RMDN2: variants seen among roughly 807,000 people sequenced by gnomAD.
RMDN2 encodes regulator of microtubule dynamics protein 2.
Under a neutral mutation model 52.8 loss-of-function variants are expected in RMDN2, and 61 were observed. The observed-to-expected ratio is 1.16, with a 90% CI of 0.94 to 1.43. RMDN2 has a LOEUF of 1.43. Among genes scored for constraint, RMDN2 ranks in the 40% most tolerant of loss-of-function variants. RMDN2 has a pLI of 0.00. For synonymous variants in RMDN2, 180 were observed against 153.1 expected (o/e 1.18, Z -1.30); for missense variants, 592 against 475.3 (o/e 1.25, Z -2.28).
At chr2:38,044,630 C>T (rs955999192) in intron 10 of RMDN2, among the ~76,000 whole-genome samples, 3 of 151,444 alleles carry the variant, frequency 2.0e-5, no homozygotes, top group Non-Finnish European at 2.9e-5. Context: ...TTTCTGTTGA[C>T]ATGTCTTCAA....
At chr2:37,947,635 T>C (rs949117965) in intron 2 of RMDN2, among the ~76,000 whole-genome samples, 3 of 152,192 alleles carry the variant, frequency 2.0e-5, no homozygotes, top group Non-Finnish European at 1.5e-5. Flanking sequence ...GCACATTTGA[T>C]AAACTATAAA....
intron 7 of RMDN2, among the ~76,000 whole-genome samples, chr2:37,996,457 C>G (rs1675548878): frequency 6.6e-6 from 1 of 151,706 alleles, no homozygotes; most frequent in Non-Finnish European, 1.5e-5. Context: ...ATGTGATGCA[C>G]ACCTGTAGTT....
Position 37,995,350 on chromosome 2 carries a change from A to ACTACTACTACTACTT in RMDN2, c.946-2052_946-2051insTCTACTACTACTACT, listed in dbSNP as rs1675385300. Among the ~76,000 whole-genome samples, 4 of 151,338 alleles carry ACTACTACTACTACTT rather than the reference A, an allele frequency of 2.6e-5. No homozygotes were observed. The South Asian group carries it at 6.3e-4, about 24-fold the overall frequency. ...TACTACTACTACTACTACTACTACT[A>ACTACTACTACTACTT]CTACTACTACTACTACACACACACA... On this transcript the variant is annotated intron_variant, in intron 7 of 10. Transcript: ENST00000354545.
In RMDN2 at chr2:38,017,345, T is replaced by G. The variant is rs1429427430; in HGVS notation, c.*106T>G. 2.0e-5 allele frequency: 28 copies of G among 1,411,640 alleles called. No homozygotes were observed. Among genetic ancestry groups the G allele is most frequent in the Non-Finnish European group, 2.6e-5 (28 of 1,077,658 alleles). The allele number at this position is 1,411,640 out of a possible 1,614,324, so 87.4% of individuals were successfully genotyped here. A position where few individuals can be genotyped will look rare whatever the true frequency, so the allele number is the denominator to read the frequency against. ...CATTTTTGATGTAAGGGTATTGTGCTTAGATTTGAAGGTAAAGCCATGTTT... is the reference window on the plus strand; with the variant it reads ...CATTTTTGATGTAAGGGTATTGTGCGTAGATTTGAAGGTAAAGCCATGTTT... On this transcript the variant is annotated 3_prime_UTR_variant, in exon 11 of 11. Coordinates refer to ENST00000354545, the MANE Select transcript of RMDN2 (RefSeq NM_001170791.3).
chr2:37,927,138 C>T (rs1238471090), intron 1 of RMDN2, among the ~76,000 whole-genome samples: 4 of 152,242 alleles, frequency 2.6e-5, no homozygotes, highest in Admixed American at 6.5e-5. Flanking sequence ...ACATCAGCTC[C>T]GTTGATTCTA....
At chr2:37,986,933 C>A (rs1330526135) in intron 5 of RMDN2, among the ~76,000 whole-genome samples, 1 of 152,014 alleles carries the variant, frequency 6.6e-6, no homozygotes, top group South Asian at 2.1e-4. Flanking sequence ...TAAGGATGTT[C>A]CCTCTTACCA....
At chr2:37,979,183 A>G (rs1215459713) in intron 4 of RMDN2, among the ~76,000 whole-genome samples, 1 of 152,220 alleles carries the variant, frequency 6.6e-6, no homozygotes, top group Non-Finnish European at 1.5e-5. Flanking sequence ...AGAAATATTT[A>G]TTCAAAATTA....
intron 7 of RMDN2, among the ~76,000 whole-genome samples, chr2:37,991,732 A>C (rs1367349784): frequency 6.6e-6 from 1 of 152,112 alleles, no homozygotes; most frequent in Non-Finnish European, 1.5e-5. Flanking sequence ...TTCATCCAGT[A>C]GTGTATACTG....
downstream of RMDN2, among the ~76,000 whole-genome samples, chr2:38,019,426 G>A (rs532769085): frequency 5.3e-5 from 8 of 152,280 alleles, no homozygotes; most frequent in South Asian, 2.1e-4. Flanking sequence ...GTTGATATCC[G>A]TTGACTGGGT....
At chr2:37,928,334 A>G (rs2124882333) in intron 1 of RMDN2, among the ~76,000 whole-genome samples, 1 of 152,352 alleles carries the variant, frequency 6.6e-6, no homozygotes, top group South Asian at 2.1e-4. Context: ...AATCCTAACC[A>G]GTAGACCACC....
intron 2 of RMDN2, among the ~76,000 whole-genome samples, chr2:37,955,189 G>A (rs577753207): frequency 1.1e-3 from 171 of 151,876 alleles, no homozygotes; most frequent in Non-Finnish European, 1.7e-3. Flanking sequence ...CCTTTATTTC[G>A]TCATCTTGCC....
In RMDN2 at chr2:37,930,920, G is replaced by A. The variant is rs878905674; in HGVS notation, c.452+1191G>A. 7.2e-5 allele frequency among the ~76,000 whole-genome samples: 11 copies of A among 152,302 alleles called. No homozygotes were observed. The South Asian group carries it at 1.5e-3, about 20-fold the overall frequency. ...CAAAGGGGCACAGTGGGCAGGCAGC[G>A]CATGGGTCTGTCTCTGGCAGGGCAG... On this transcript the variant is annotated intron_variant, in intron 2 of 10. Coordinates refer to ENST00000354545, the MANE Select transcript of RMDN2 (RefSeq NM_001170791.3).
intron 1 of RMDN2, among the ~76,000 whole-genome samples, chr2:37,927,394 C>G (rs762974885): frequency 3.9e-5 from 6 of 152,122 alleles, no homozygotes; most frequent in Admixed American, 2.6e-4. Context: ...AATAATAGGA[C>G]CTGCATGGAA....
At chr2:37,955,723 ACCT>A (rs1669366959) in intron 2 of RMDN2, among the ~76,000 whole-genome samples, 1 of 151,616 alleles carries the variant, frequency 6.6e-6, no homozygotes, top group African/African-American at 2.4e-5. Context: ...AGTGTCTTTC[ACCT>A]CCTGCCATGA....
chr2:38,001,057 A>G (rs1415173830), intron 8 of RMDN2, among the ~76,000 whole-genome samples: 1 of 152,246 alleles, frequency 6.6e-6, no homozygotes, highest in Non-Finnish European at 1.5e-5. Flanking sequence ...GTTTGCAGTC[A>G]TATGATCCCT....
chr2:38,012,184 T>C (rs7579777), intron 10 of RMDN2, among the ~76,000 whole-genome samples: 89,210 of 152,010 alleles, frequency 0.59, 27,246 homozygotes, highest in East Asian at 0.89. Flanking sequence ...ACCCACCCTC[T>C]GCTCCTTCCA....
chr2:37,953,524 C>T (rs1468786809), intron 2 of RMDN2, among the ~76,000 whole-genome samples: 2 of 152,028 alleles, frequency 1.3e-5, no homozygotes, highest in Non-Finnish European at 2.9e-5. Flanking sequence ...TCAGAATGTC[C>T]TTCCTTTTTA....
chr2:38,035,659 T>C (rs1680524444), intron 10 of RMDN2, among the ~76,000 whole-genome samples: 2 of 152,172 alleles, frequency 1.3e-5, no homozygotes, highest in South Asian at 4.1e-4. Context: ...GCATGTAAAA[T>C]GAGTTATTCA....
chr2:37,939,337 C>T (rs562024785), intron 2 of RMDN2, among the ~76,000 whole-genome samples: 28 of 152,082 alleles, frequency 1.8e-4, no homozygotes, highest in African/African-American at 3.6e-4. Context: ...GGAATAAGTG[C>T]GGTGTGGTGC....
Sources: gnomAD v4.1 joint callset for allele counts (sites outside exome capture counted in the v4.1 genomes callset) on GRCh38, gnomAD v4.1.1 for gene constraint, MANE v1.5 for transcripts, NCBI Gene and HGNC (gene_info 2026-07-23, HGNC 2026-07-21) for gene names.